PJA2: variants seen among roughly 807,000 people sequenced by gnomAD.
The protein encoded by PJA2 is E3 ubiquitin-protein ligase Praja-2.
Under a neutral mutation model 69.3 loss-of-function variants are expected in PJA2, and 25 were observed. The ratio of observed to expected loss-of-function variants is 0.36; its 90% CI spans 0.26 to 0.50. PJA2 has a LOEUF of 0.50. PJA2 is among the 20% of genes least tolerant of loss of function. The pLI is 0.96. For missense variants in PJA2, 809 were observed against 830.2 expected (o/e 0.97, Z 0.31); for synonymous variants, 308 against 277.8 (o/e 1.11, Z -1.08).
At chr5:109,358,786 A>G (rs1052537030) in intron 6 of PJA2, among the ~76,000 whole-genome samples, 2 of 152,284 alleles carry the variant, frequency 1.3e-5, no homozygotes, top group African/African-American at 4.8e-5. Flanking sequence ...GCGCCACTGC[A>G]CTCCAGCCAG....
At chr5:109,362,701 G>A in intron 6 of PJA2, 139 bp downstream of exon 6, 1 of 825,128 alleles carries the variant, frequency 1.2e-6, no homozygotes, top group East Asian at 2.9e-5. Flanking sequence ...AGGAACATTT[G>A]AAATGAGCTT....
At chr5:109,368,423 C>A in intron 5 of PJA2, 138 bp downstream of exon 5, 1 of 643,200 alleles carries the variant, frequency 1.6e-6, no homozygotes, top group Non-Finnish European at 2.5e-6. Context: ...ATACCAAAAG[C>A]ATAATGAAAA....
intron 4 of PJA2, among the ~76,000 whole-genome samples, chr5:109,374,079 C>T (rs776200016): frequency 5.3e-5 from 8 of 152,170 alleles, no homozygotes; most frequent in Non-Finnish European, 1.2e-4. Flanking sequence ...ACTATTAACA[C>T]TGAACTGTAA....
At chr5:109,353,520 AT>A (rs1191355283) in intron 7 of PJA2, among the ~76,000 whole-genome samples, 1 of 133,422 alleles carries the variant, frequency 7.5e-6, no homozygotes, top group South Asian at 2.3e-4. Flanking sequence ...ATATCTATAT[AT>A]TAGATATCTA....
chr5:109,366,487 G>T (rs1440305953), intron 5 of PJA2, among the ~76,000 whole-genome samples: 1 of 152,068 alleles, frequency 6.6e-6, no homozygotes, highest in Non-Finnish European at 1.5e-5. Context: ...TCATCTTTAA[G>T]AACTCAGCTC....
chr5:109,344,708 T>A lies in PJA2; in HGVS notation c.1876A>T (p.Thr626Ser). ...TTGAGATCAACTTTGCCCTTACCAG[T>A]GTGATCTTCAAGAACAAGGGTCTCT... ...LPETLVLEDH[T>S]AIGQEQCCPI... The change falls in exon 8 of 10, where the codon ACT (threonine) becomes TCT (serine). Residue 626 changes from threonine to serine, a missense_variant. Thr to Ser is a moderately conservative substitution (Grantham distance 58, BLOSUM62 1). This residue lies in a region of PJA2 where 55 missense variants were observed against 90.7 expected (regional missense o/e 0.61). Transcript: ENST00000361189. 6.2e-7 allele frequency: 1 copy of A among 1,608,870 alleles called. No homozygotes were observed. The highest frequency in any genetic ancestry group is 8.5e-7 in the Non-Finnish European group (1 of 1,175,670).
rs557440758 is a variant in PJA2 at position 109,378,065 on chromosome 5, T to G, written c.1283+139A>C. 64 of 647,362 alleles carry G rather than the reference T, an allele frequency of 9.9e-5. 1 individual carries two copies. In the African/African-American group the frequency reaches 1.1e-3, roughly 11 times the overall value. The allele number at this position is 647,362 out of a possible 1,614,324, so 40.1% of individuals were successfully genotyped here. A position where few individuals can be genotyped will look rare whatever the true frequency, so the allele number is the denominator to read the frequency against. The stretch of plus-strand genomic sequence containing the variant: ...GAGTAGTTTGCATGTATGGTTAGCA[T>G]TCAGTAAATAAAAATATTTGGTAAG... On this transcript the variant is annotated intron_variant, in intron 4 of 9. Transcript: ENST00000361189.
At chr5:109,377,376 A>G (rs974678540) in intron 4 of PJA2, among the ~76,000 whole-genome samples, 2 of 152,172 alleles carry the variant, frequency 1.3e-5, no homozygotes. Context: ...ACAAGGACTC[A>G]TGAAAATCTG....
At chr5:109,390,752 G>T (rs965868401) in intron 1 of PJA2, 1 of 151,746 alleles carries the variant, frequency 6.6e-6, no homozygotes, top group Admixed American at 6.6e-5. Flanking sequence ...TTATCTTAGT[G>T]GTTTTCCTAG....
intron 6 of PJA2, among the ~76,000 whole-genome samples, chr5:109,359,436 T>C (rs1762475563): frequency 1.3e-5 from 2 of 152,150 alleles, no homozygotes; most frequent in African/African-American, 4.8e-5. Context: ...TAAAGAAATC[T>C]GAAAGATAAC....
At chr5:109,363,995 T>C (rs766949894) in intron 5 of PJA2, among the ~76,000 whole-genome samples, 22 of 151,898 alleles carry the variant, frequency 1.4e-4, no homozygotes, top group South Asian at 8.3e-4. Context: ...CTACTAAAAC[T>C]ACAAAAAATT....
chr5:109,401,412 C>T (rs1747543596), intron 1 of PJA2, among the ~76,000 whole-genome samples: 1 of 151,892 alleles, frequency 6.6e-6, no homozygotes, highest in African/African-American at 2.4e-5. Flanking sequence ...GTGAGACAAG[C>T]TTGTACCACT....
intron 7 of PJA2, among the ~76,000 whole-genome samples, chr5:109,349,703 C>T (rs891985671): frequency 1.2e-4 from 19 of 152,174 alleles, no homozygotes; most frequent in African/African-American, 4.6e-4. Context: ...CTGAGATGGA[C>T]TAGGGACTCT....
At chr5:109,407,657 AAAT>A (rs1253774468) in intron 1 of PJA2, among the ~76,000 whole-genome samples, 1 of 152,176 alleles carries the variant, frequency 6.6e-6, no homozygotes, top group African/African-American at 2.4e-5. Flanking sequence ...CAACTCAATA[AAAT>A]AATCTGATAC....
intron 5 of PJA2, among the ~76,000 whole-genome samples, chr5:109,364,147 A>C (rs1280717166): frequency 1.3e-5 from 2 of 152,014 alleles, no homozygotes; most frequent in Non-Finnish European, 2.9e-5. Context: ...TGTCTCAAAA[A>C]ACAAAAACAA....
chr5:109,357,894 T>C (rs1427685085), intron 6 of PJA2, among the ~76,000 whole-genome samples: 3 of 152,228 alleles, frequency 2.0e-5, no homozygotes, highest in African/African-American at 7.2e-5. Context: ...TCTTTTCTTC[T>C]CCAGGCTGAG....
At chr5:109,406,066 C>T (rs570207149) in intron 1 of PJA2, among the ~76,000 whole-genome samples, 155 of 126,754 alleles carry the variant, frequency 1.2e-3, no homozygotes, top group African/African-American at 4.6e-3. Flanking sequence ...TTTTTTGAGA[C>T]GGAGTCTCGC....
intron 5 of PJA2, among the ~76,000 whole-genome samples, chr5:109,368,261 A>G (rs968921909): frequency 2.0e-5 from 3 of 152,224 alleles, no homozygotes; most frequent in African/African-American, 7.2e-5. Flanking sequence ...TCCCTTGAGC[A>G]ATGACAGTGC....
intron 2 of PJA2, 38 bp from the exon 3 acceptor site, chr5:109,381,741 A>T (rs745587028): frequency 1.3e-6 from 2 of 1,583,102 alleles, no homozygotes; most frequent in Non-Finnish European, 1.7e-6. Context: ...AGGAACAGCA[A>T]TGAGCTTTAT....
Sources: gnomAD v4.1 joint callset for allele counts (sites outside exome capture counted in the v4.1 genomes callset) on GRCh38, gnomAD v4.1.1 for gene constraint, gnomAD v4.1.1 regional missense constraint, MANE v1.5 for transcripts, NCBI Gene and HGNC (gene_info 2026-07-23, HGNC 2026-07-21) for gene names.